HS6ST3: variants seen among roughly 807,000 people sequenced by gnomAD.
HS6ST3 encodes the protein heparan-sulfate 6-O-sulfotransferase 3.
A neutral mutation model predicts 36.7 loss-of-function variants in HS6ST3; 12 were observed. The observed-to-expected ratio is 0.33, with a 90% CI of 0.21 to 0.53. The LOEUF is 0.53. HS6ST3 is among the 20% of genes least tolerant of loss of function. The pLI, the probability that HS6ST3 is intolerant of heterozygous loss-of-function variation, is 0.95. For missense variants in HS6ST3, 584 were observed against 640.9 expected (o/e 0.91, Z 0.96); for synonymous variants, 240 against 257.5 (o/e 0.93, Z 0.65).
At position 96,789,591 on chromosome 13, in the gene HS6ST3, C is replaced by A. The variant is rs114704804; in HGVS notation, c.708-42899C>A. Reference sequence around the variant, plus strand: ...TTTAAATAACTTTTTTATTTTACAGCAGGTTTGCTGATAATATATTCTCTT... The same window carrying A: ...TTTAAATAACTTTTTTATTTTACAGAAGGTTTGCTGATAATATATTCTCTT... On this transcript the variant is annotated intron_variant, in intron 1 of 1. Coordinates refer to ENST00000376705, the MANE Select transcript of HS6ST3 (RefSeq NM_153456.4). 1.1e-3 allele frequency among the ~76,000 whole-genome samples: 173 copies of A among 151,858 alleles called. 1 individual carries two copies. Among genetic ancestry groups the A allele is most frequent in the African/African-American group, 4.0e-3 (166 of 41,486 alleles).
At chr13:96,573,593 C>A in intron 1 of HS6ST3, 1 of 207,924 alleles carries the variant, frequency 4.8e-6, no homozygotes, top group South Asian at 7.1e-5. Flanking sequence ...ATTTCAGGGT[C>A]TGCAGAATTC....
intron 1 of HS6ST3, among the ~76,000 whole-genome samples, chr13:96,399,138 A>G (rs1281779037): frequency 6.6e-6 from 1 of 152,236 alleles, no homozygotes; most frequent in Non-Finnish European, 1.5e-5. Flanking sequence ...TATACACATC[A>G]AGTCAAGTTT....
At chr13:96,238,260 C>G (rs1480471627) in intron 1 of HS6ST3, among the ~76,000 whole-genome samples, 2 of 152,046 alleles carry the variant, frequency 1.3e-5, no homozygotes, top group African/African-American at 2.4e-5. Context: ...AACTGTCTGT[C>G]ATAGTACAGG....
intron 1 of HS6ST3, among the ~76,000 whole-genome samples, chr13:96,327,835 T>A (rs2055041449): frequency 3.3e-5 from 5 of 151,178 alleles, no homozygotes; most frequent in Admixed American, 3.3e-4. Context: ...TTCCATTTGT[T>A]TGTATCCTCT....
At chr13:96,293,095 A>G (rs1047323039) in intron 1 of HS6ST3, among the ~76,000 whole-genome samples, 3 of 152,130 alleles carry the variant, frequency 2.0e-5, no homozygotes, top group African/African-American at 4.8e-5. Context: ...ATAGATATTT[A>G]TGAAGTAATA....
intron 1 of HS6ST3, among the ~76,000 whole-genome samples, chr13:96,112,539 G>A (rs568170): frequency 7.4e-6 from 1 of 134,446 alleles, no homozygotes; most frequent in African/African-American, 2.8e-5. Context: ...TTGAGACCAG[G>A]TTGGGCAACA....
chr13:96,267,974 G>A (rs564032223), intron 1 of HS6ST3, among the ~76,000 whole-genome samples: 2 of 151,972 alleles, frequency 1.3e-5, no homozygotes, highest in Admixed American at 1.3e-4. Context: ...GTGCTCACAA[G>A]ACCTCTTCTT....
chr13:96,801,506 TTA>T (rs1878069180), intron 1 of HS6ST3, among the ~76,000 whole-genome samples: 1 of 152,118 alleles, frequency 6.6e-6, no homozygotes, highest in Middle Eastern at 3.4e-3. Flanking sequence ...AGGGTTGCCT[TTA>T]TATATGTGTG....
At chr13:96,092,610 A>C (rs1293493623) in intron 1 of HS6ST3, among the ~76,000 whole-genome samples, 1 of 152,224 alleles carries the variant, frequency 6.6e-6, no homozygotes, top group Non-Finnish European at 1.5e-5. Flanking sequence ...GGTTTCAAAC[A>C]ATTTGGTATG....
chr13:96,346,019 A>G (rs1274050939), intron 1 of HS6ST3, among the ~76,000 whole-genome samples: 4 of 152,248 alleles, frequency 2.6e-5, no homozygotes, highest in Admixed American at 2.0e-4. Context: ...TGCAGTTCAC[A>G]ATAGTTTTCA....
rs142373485 is a variant in HS6ST3 at position 96,309,892 on chromosome 13, G to T, written c.707+218323G>T. Among the ~76,000 whole-genome samples the T allele has an allele frequency of 5.0e-3, 757 of 152,110 alleles. 5 individuals are homozygous for T. The highest frequency in any genetic ancestry group is 0.017 in the South Asian group (81 of 4,816). On this transcript the variant is annotated intron_variant, in intron 1 of 1. Coordinates refer to ENST00000376705, the MANE Select transcript of HS6ST3 (RefSeq NM_153456.4). ...AGAATATTGTTAGAGAAAATCAATA[G>T]CTAATAGTGGGGAAAGAAGCTATAA...
chr13:96,448,840 T>G (rs2055712412), intron 1 of HS6ST3, among the ~76,000 whole-genome samples: 1 of 152,314 alleles, frequency 6.6e-6, no homozygotes. Context: ...TTTGTTTAGT[T>G]CATCTTTGTA....
intron 1 of HS6ST3, among the ~76,000 whole-genome samples, chr13:96,178,556 T>C (rs1230293756): frequency 6.6e-6 from 1 of 152,054 alleles, no homozygotes; most frequent in African/African-American, 2.4e-5. Context: ...GTCTTGGTTG[T>C]CTGTCTAGCT....
At chr13:96,358,699 T>A (rs1369354347) in intron 1 of HS6ST3, among the ~76,000 whole-genome samples, 2 of 152,106 alleles carry the variant, frequency 1.3e-5, no homozygotes, top group African/African-American at 4.8e-5. Flanking sequence ...CTGGAACAAT[T>A]TGAATATAAA....
chr13:96,532,829 C>A (rs956222928), intron 1 of HS6ST3, among the ~76,000 whole-genome samples: 1 of 152,072 alleles, frequency 6.6e-6, no homozygotes, highest in Non-Finnish European at 1.5e-5. Flanking sequence ...CAAAGAGGAC[C>A]TTTCCTAATA....
At chr13:96,550,512 A>G (rs1212458486) in intron 1 of HS6ST3, among the ~76,000 whole-genome samples, 1 of 152,156 alleles carries the variant, frequency 6.6e-6, no homozygotes, top group African/African-American at 2.4e-5. Flanking sequence ...AGACTAATAC[A>G]TGCTCCCAAC....
At chr13:96,117,492 A>T (rs1042015476) in intron 1 of HS6ST3, among the ~76,000 whole-genome samples, 4 of 152,314 alleles carry the variant, frequency 2.6e-5, no homozygotes, top group African/African-American at 9.6e-5. Flanking sequence ...ACATTGGTTG[A>T]GGTGGAAAAC....
At chr13:96,521,119 T>C (rs1023868980) in intron 1 of HS6ST3, among the ~76,000 whole-genome samples, 7 of 152,240 alleles carry the variant, frequency 4.6e-5, no homozygotes, top group African/African-American at 1.7e-4. Context: ...ATGTGGTTTT[T>C]GTCATTGGTT....
intron 1 of HS6ST3, among the ~76,000 whole-genome samples, chr13:96,599,584 A>T (rs955609132): frequency 1.9e-4 from 29 of 151,404 alleles, no homozygotes; most frequent in Non-Finnish European, 7.4e-5. Context: ...CCAAATAATC[A>T]ACTTTTTGTT....
Sources: allele counts gnomAD v4.1 joint callset (sites outside exome capture counted in the v4.1 genomes callset), GRCh38; gene constraint gnomAD v4.1.1; transcripts MANE v1.5; gene names NCBI Gene and HGNC (gene_info 2026-07-23, HGNC 2026-07-21).